Variants in CNTN5 observed in about 807,000 individuals in gnomAD.
CNTN5 encodes the protein contactin-5.
Under a neutral mutation model 129.1 loss-of-function variants are expected in CNTN5, and 77 were observed. That is an observed-to-expected ratio of 0.60 (90% confidence interval 0.50 to 0.72). CNTN5 has a LOEUF of 0.72. Among genes scored for constraint, CNTN5 ranks in the 30% least tolerant of loss-of-function variants. The pLI is 0.00. For synonymous variants in CNTN5, 509 were observed against 465.6 expected, an observed-to-expected ratio of 1.09 and a Z score of -1.20; for missense variants, 1,478 against 1,328.8, an observed-to-expected ratio of 1.11 and a Z score of -1.75.
intron 21 of CNTN5, among the ~76,000 whole-genome samples, chr11:100,333,594 C>A (rs1344225171): frequency 6.6e-6 from 1 of 151,882 alleles, no homozygotes; most frequent in African/African-American, 2.4e-5. Flanking sequence ...AGGCACATAG[C>A]CCATTGGAAC....
intron 1 of CNTN5, among the ~76,000 whole-genome samples, chr11:99,031,338 T>C (rs1435587795): frequency 6.6e-6 from 1 of 152,152 alleles, no homozygotes; most frequent in East Asian, 1.9e-4. Context: ...ATTTTAAGTA[T>C]GTATGTCCTT....
At chr11:99,098,310 G>GT (rs568121870) in intron 1 of CNTN5, among the ~76,000 whole-genome samples, 106 of 152,172 alleles carry the variant, frequency 7.0e-4, no homozygotes, top group African/African-American at 2.5e-3. Flanking sequence ...GAAGAAGCAG[G>GT]TATTAACCTT....
chr11:99,679,867 A>ATTT (rs1953474992), intron 3 of CNTN5, among the ~76,000 whole-genome samples: 1 of 152,344 alleles, frequency 6.6e-6, no homozygotes, highest in Non-Finnish European at 1.5e-5. Flanking sequence ...TTTGAGGAAA[A>ATTT]TTAAAAGTGC....
intron 13 of CNTN5, among the ~76,000 whole-genome samples, chr11:100,168,195 G>A (rs939092671): frequency 5.9e-5 from 9 of 152,084 alleles, no homozygotes; most frequent in East Asian, 1.9e-4. Context: ...AAGTGCTGAC[G>A]TAGAAGCTGC....
At chr11:99,739,533 A>G (rs930203340) in intron 3 of CNTN5, among the ~76,000 whole-genome samples, 8 of 152,140 alleles carry the variant, frequency 5.3e-5, no homozygotes, top group African/African-American at 1.9e-4. Context: ...AGTAAATAAA[A>G]CACATCTCTC....
intron 3 of CNTN5, among the ~76,000 whole-genome samples, chr11:99,704,287 T>A (rs1954658247): frequency 6.6e-6 from 1 of 150,972 alleles, no homozygotes; most frequent in Non-Finnish European, 1.5e-5. Flanking sequence ...AGGAACTTAT[T>A]AAATGCCACG....
chr11:100,096,430 C>T (rs138447500), intron 13 of CNTN5, among the ~76,000 whole-genome samples: 65 of 152,058 alleles, frequency 4.3e-4, no homozygotes, highest in African/African-American at 1.4e-3. Context: ...TGGGATAGTC[C>T]GTCTACTCGC....
intron 1 of CNTN5, among the ~76,000 whole-genome samples, chr11:99,024,334 A>C (rs1863016117): frequency 6.6e-6 from 1 of 152,100 alleles, no homozygotes; most frequent in East Asian, 1.9e-4. Context: ...TAATTATTTT[A>C]TTTAAATTGA....
intron 9 of CNTN5, among the ~76,000 whole-genome samples, chr11:100,033,097 G>A (rs1433969702): frequency 6.6e-6 from 1 of 152,124 alleles, no homozygotes; most frequent in African/African-American, 2.4e-5. Context: ...CTTTTTCTAT[G>A]TAATTTTTAA....
intron 3 of CNTN5, among the ~76,000 whole-genome samples, chr11:99,723,721 A>T (rs1943246630): frequency 6.6e-6 from 1 of 152,084 alleles, no homozygotes; most frequent in African/African-American, 2.4e-5. Flanking sequence ...TACCTGCAGC[A>T]ATGCCTGATA....
chr11:99,091,432 A>C (rs916434164), intron 1 of CNTN5, among the ~76,000 whole-genome samples: 1 of 152,216 alleles, frequency 6.6e-6, no homozygotes, highest in Non-Finnish European at 1.5e-5. Context: ...TCTGTAAGGC[A>C]CAAGGAACCA....
At chr11:99,718,019 A>AATT (rs1943039111) in intron 3 of CNTN5, among the ~76,000 whole-genome samples, 1 of 152,052 alleles carries the variant, frequency 6.6e-6, no homozygotes, top group African/African-American at 2.4e-5. Flanking sequence ...CCTACATTTT[A>AATT]ATTATAAATT....
At chr11:99,186,138 C>CA (rs1483110938) in intron 1 of CNTN5, among the ~76,000 whole-genome samples, 3 of 151,694 alleles carry the variant, frequency 2.0e-5, no homozygotes, top group African/African-American at 7.3e-5. Context: ...ATCTAGTTTG[C>CA]AACATAAATT....
At chr11:99,740,173 T>C (rs1457839965) in intron 3 of CNTN5, among the ~76,000 whole-genome samples, 1 of 152,162 alleles carries the variant, frequency 6.6e-6, no homozygotes, top group African/African-American at 2.4e-5. Context: ...TTTTGCTTTA[T>C]TTTTTGTTAT....
chr11:100,272,375 C>A (rs1273572055), intron 18 of CNTN5, among the ~76,000 whole-genome samples: 2 of 152,180 alleles, frequency 1.3e-5, no homozygotes, highest in East Asian at 3.9e-4. Context: ...AGTTATAGAA[C>A]TGAACCAAAA....
chr11:99,527,885 A>C (rs1302344978), intron 2 of CNTN5, among the ~76,000 whole-genome samples: 1 of 152,188 alleles, frequency 6.6e-6, no homozygotes, highest in African/African-American at 2.4e-5. Context: ...GATGCTGCAT[A>C]GACAGAAAAG....
intron 2 of CNTN5, among the ~76,000 whole-genome samples, chr11:99,500,673 A>G (rs1166428456): frequency 6.6e-6 from 1 of 152,214 alleles, no homozygotes; most frequent in East Asian, 1.9e-4. Context: ...TGAATTGTAT[A>G]TATCTTAATT....
intron 2 of CNTN5, among the ~76,000 whole-genome samples, chr11:99,412,276 T>TA (rs1363418997): frequency 1.3e-5 from 2 of 152,160 alleles, no homozygotes; most frequent in Non-Finnish European, 2.9e-5. Flanking sequence ...CAAAGGTGAA[T>TA]AGATAGTTTC....
intron 9 of CNTN5, among the ~76,000 whole-genome samples, chr11:100,044,170 G>GTA (rs3061791): frequency 4.1e-4 from 61 of 150,178 alleles, no homozygotes; most frequent in African/African-American, 1.2e-3. Context: ...TACATATCAT[G>GTA]TATATATATA....
Sources: allele counts gnomAD v4.1 joint callset (sites outside exome capture counted in the v4.1 genomes callset), GRCh38; gene constraint gnomAD v4.1.1; transcripts MANE v1.5; gene names NCBI Gene and HGNC (gene_info 2026-07-23, HGNC 2026-07-21).